Variants in UACA observed in about 807,000 individuals in gnomAD.
The protein encoded by UACA is uveal autoantigen with coiled-coil domains and ankyrin repeats, also known as nuclear membrane binding protein.
Under a neutral mutation model 160.5 loss-of-function variants are expected in UACA, and 112 were observed. The ratio of observed to expected loss-of-function variants is 0.70; its 90% confidence interval spans 0.60 to 0.82. The LOEUF (loss-of-function observed/expected upper bound fraction) is 0.82, where lower values mean the gene tolerates loss of function less well. Among genes scored for constraint, UACA ranks in the 40% least tolerant of loss-of-function variants. UACA has a pLI of 0.00. For synonymous variants in UACA, 557 were observed against 568.4 expected, an observed-to-expected ratio of 0.98 and a Z score of 0.29; for missense variants, 1,574 against 1,614.6, an observed-to-expected ratio of 0.97 and a Z score of 0.43.
chr15:70,678,422 C>T (rs113319525), intron 10 of UACA, among the ~76,000 whole-genome samples: 3 of 151,978 alleles, frequency 2.0e-5, no homozygotes, highest in Non-Finnish European at 4.4e-5. Flanking sequence ...CTAATAAATA[C>T]AAGTATATAC....
rs771828314 is a variant in UACA at position 70,676,548 on chromosome 15, T to G, written c.1076A>C (p.His359Pro). Residue 359 changes from histidine to proline, a missense_variant, in exon 13 of 19, where the codon CAT (histidine) becomes CCT (proline). Coordinates refer to ENST00000322954, the MANE Select transcript of UACA (RefSeq NM_018003.4). ...KSLLAAKEKQHEESLRTIEAL... is the reference protein window; with the variant it reads ...KSLLAAKEKQPEESLRTIEAL... ...CTCAATAGTCCTTAAGCTTTCTTCATGTTGCTTTTCTTTAGCTGCCAAAAG... is the reference window on the plus strand; with the variant it reads ...CTCAATAGTCCTTAAGCTTTCTTCAGGTTGCTTTTCTTTAGCTGCCAAAAG... 1 of 1,613,010 alleles carries G rather than the reference T, an allele frequency of 6.2e-7. No homozygotes were observed. The highest frequency in any genetic ancestry group is 8.5e-7 in the Non-Finnish European group (1 of 1,179,714).
At chr15:70,775,193 T>C in the UACA span, among the ~76,000 whole-genome samples, 2 of 152,200 alleles carry the variant, frequency 1.3e-5, no homozygotes, top group Non-Finnish European at 2.9e-5. Context: ...GGTAACCTAT[T>C]AGACAGCTGT....
intron 1 of UACA, among the ~76,000 whole-genome samples, chr15:70,763,039 G>C (rs1019884870): frequency 1.3e-5 from 2 of 152,162 alleles, no homozygotes; most frequent in African/African-American, 4.8e-5. Context: ...AGGAACTTTG[G>C]ATTTAGGAGG....
intron 1 of UACA, among the ~76,000 whole-genome samples, chr15:70,762,607 C>T (rs1273688235): frequency 1.3e-5 from 2 of 152,234 alleles, no homozygotes; most frequent in African/African-American, 4.8e-5. Flanking sequence ...AGGTCAGCAC[C>T]GAAAGAGCCC....
At chr15:70,724,175 T>C (rs1431135944) in intron 1 of UACA, among the ~76,000 whole-genome samples, 2 of 152,232 alleles carry the variant, frequency 1.3e-5, no homozygotes, top group Non-Finnish European at 2.9e-5. Context: ...CTTAAGTATC[T>C]GTTGAGCAAC....
chr15:70,778,232 CT>C, the UACA span, among the ~76,000 whole-genome samples: 46 of 152,150 alleles, frequency 3.0e-4, no homozygotes, highest in African/African-American at 1.0e-3. Context: ...GAACAGGAAC[CT>C]TTTTTTACTC....
intron 18 of UACA, among the ~76,000 whole-genome samples, chr15:70,657,382 G>A (rs1418262011): frequency 6.6e-6 from 1 of 152,108 alleles, no homozygotes; most frequent in East Asian, 1.9e-4. Context: ...AGGCTGAGGT[G>A]GGTGGATCAT....
At chr15:70,678,719 C>T (rs954845498) in intron 10 of UACA, among the ~76,000 whole-genome samples, 14 of 152,076 alleles carry the variant, frequency 9.2e-5, no homozygotes, top group South Asian at 2.1e-4. Context: ...TATCATTTAA[C>T]GGTGTTTCAG....
chr15:70,744,673 G>C lies in UACA; in HGVS notation c.78+18657C>G, dbSNP rs369438606. ...AGAAAATGGGAGCAGGTAGTGTTAA[G>C]ACCAAAAAACAGTCTTAACAAATAT... is the stretch of plus-strand genomic sequence containing the variant. On this transcript the variant is annotated intron_variant, in intron 1 of 18. Coordinates refer to ENST00000322954, the MANE Select transcript of UACA (RefSeq NM_018003.4). 4.6e-5 allele frequency among the ~76,000 whole-genome samples: 7 copies of C among 152,180 alleles called. 1 individual carries two copies. In the East Asian group the frequency reaches 9.7e-4, roughly 21 times the overall value.
intron 13 of UACA, among the ~76,000 whole-genome samples, chr15:70,675,125 T>A (rs114299812): frequency 6.6e-6 from 1 of 152,160 alleles, no homozygotes; most frequent in African/African-American, 2.4e-5. Flanking sequence ...GTGAAACCCC[T>A]CATGGGTAAA....
intron 8 of UACA, 100 bp from the exon 9 acceptor site, chr15:70,682,895 A>T: frequency 1.5e-6 from 1 of 672,634 alleles, no homozygotes; most frequent in Non-Finnish European, 2.3e-6. Flanking sequence ...AAATAAATAA[A>T]CTTTAGAGTT....
intron 18 of UACA, among the ~76,000 whole-genome samples, chr15:70,658,713 A>C (rs1416433074): frequency 6.6e-6 from 1 of 152,056 alleles, no homozygotes; most frequent in Admixed American, 6.6e-5. Context: ...CCCAACACAC[A>C]CATTTTTTTT....
intron 1 of UACA, among the ~76,000 whole-genome samples, chr15:70,757,397 T>C (rs967745724): frequency 1.3e-5 from 2 of 152,230 alleles, no homozygotes; most frequent in Non-Finnish European, 2.9e-5. Context: ...GACAATCATG[T>C]CTATAGACTC....
intron 1 of UACA, chr15:70,703,006 G>A (rs1387669600): frequency 3.4e-6 from 3 of 881,204 alleles, no homozygotes; most frequent in Non-Finnish European, 4.4e-6. Context: ...AAAAAAACTG[G>A]TTAAACACTA....
chr15:70,664,321 C>G (rs978573565), intron 17 of UACA, among the ~76,000 whole-genome samples: 1 of 152,112 alleles, frequency 6.6e-6, no homozygotes. Flanking sequence ...TCAGCCAGTT[C>G]CAGGTTTATA....
intron 1 of UACA, among the ~76,000 whole-genome samples, chr15:70,707,201 A>G (rs551851110): frequency 6.6e-6 from 1 of 152,316 alleles, no homozygotes; most frequent in South Asian, 2.1e-4. Context: ...AATCTCCTCA[A>G]CAGTGTTGGG....
chr15:70,712,434 CT>C (rs1898710597), intron 1 of UACA, among the ~76,000 whole-genome samples: 2 of 152,212 alleles, frequency 1.3e-5, no homozygotes, highest in South Asian at 4.1e-4. Context: ...AGCCCCTTTC[CT>C]TGTGTTCTCC....
At chr15:70,770,754 A>T in the UACA span, among the ~76,000 whole-genome samples, 5 of 152,248 alleles carry the variant, frequency 3.3e-5, no homozygotes, top group African/African-American at 1.2e-4. Flanking sequence ...TTTTAAGGCT[A>T]AACTAAAAGG....
At chr15:70,694,413 A>G (rs1898054550) in intron 3 of UACA, among the ~76,000 whole-genome samples, 1 of 151,658 alleles carries the variant, frequency 6.6e-6, no homozygotes, top group Non-Finnish European at 1.5e-5. Context: ...TGATTTTTTT[A>G]TAAATATAGC....
Sources: allele counts gnomAD v4.1 joint callset (sites outside exome capture counted in the v4.1 genomes callset), GRCh38; gene constraint gnomAD v4.1.1; transcripts MANE v1.5; gene names NCBI Gene and HGNC (gene_info 2026-07-23, HGNC 2026-07-21).